BBX: variants seen among roughly 807,000 people sequenced by gnomAD.
The protein encoded by BBX is HMG box transcription factor BBX.
Under a neutral mutation model 100.2 loss-of-function variants are expected in BBX, and 30 were observed. The observed-to-expected ratio is 0.30, with a 90% CI of 0.22 to 0.41. The LOEUF is 0.41. BBX is among the 10% of genes least tolerant of loss of function. BBX has a pLI of 1.00. For missense variants in BBX, 1,023 were observed against 1,129.8 expected (o/e 0.91, Z 1.35); for synonymous variants, 376 against 388.1 (o/e 0.97, Z 0.37).
intron 6 of BBX, among the ~76,000 whole-genome samples, chr3:107,730,017 T>G (rs191103375): frequency 6.6e-6 from 1 of 152,080 alleles, no homozygotes; most frequent in East Asian, 1.9e-4. Flanking sequence ...AGTCCAGGAG[T>G]TCGAGGCTGC....
chr3:107,523,600 C>T (rs1195501047), intron 1 of BBX: 1 of 152,358 alleles, frequency 6.6e-6, no homozygotes, highest in African/African-American at 2.4e-5. Flanking sequence ...GCCCTCACGC[C>T]GGCGGGCGGC....
chr3:107,694,902 C>T (rs1423262938), intron 3 of BBX, among the ~76,000 whole-genome samples: 1 of 151,752 alleles, frequency 6.6e-6, no homozygotes, highest in Admixed American at 6.6e-5. Context: ...AGAGATTCAA[C>T]TTCTTCCTGG....
intron 2 of BBX, among the ~76,000 whole-genome samples, chr3:107,558,403 G>A (rs2050237066): frequency 6.6e-6 from 1 of 152,232 alleles, no homozygotes; most frequent in Middle Eastern, 3.4e-3. Context: ...CAGGAGAATC[G>A]CTTGTGCCTG....
chr3:107,652,190 A>ACTTTT (rs10662764), intron 3 of BBX, among the ~76,000 whole-genome samples: 9 of 152,108 alleles, frequency 5.9e-5, no homozygotes, highest in Admixed American at 3.9e-4. Context: ...GCTCAAATGA[A>ACTTTT]CTTTGTTTCT....
At chr3:107,705,199 C>G (rs2061324626) in intron 3 of BBX, among the ~76,000 whole-genome samples, 2 of 152,024 alleles carry the variant, frequency 1.3e-5, no homozygotes, top group African/African-American at 4.8e-5. Context: ...GTTTTGTAGT[C>G]TTAATTGGAC....
intron 13 of BBX, among the ~76,000 whole-genome samples, chr3:107,782,210 A>G (rs1417669013): frequency 2.6e-5 from 4 of 152,048 alleles, no homozygotes; most frequent in Admixed American, 2.6e-4. Context: ...CTCTGAATGA[A>G]TCTTAACTTG....
At chr3:107,625,790 G>A (rs746299194) in intron 2 of BBX, among the ~76,000 whole-genome samples, 15 of 152,140 alleles carry the variant, frequency 9.9e-5, no homozygotes, top group Admixed American at 3.9e-4. Flanking sequence ...CTCTAGAACT[G>A]TTGTCTTTTA....
At chr3:107,737,894 T>TTG (rs1553795867) in intron 7 of BBX, among the ~76,000 whole-genome samples, 2 of 131,312 alleles carry the variant, frequency 1.5e-5, no homozygotes, top group African/African-American at 2.7e-5. Context: ...GTTTTTTTTT[T>TTG]TTTTTTTTTT....
At chr3:107,588,943 A>T (rs1179646096) in intron 2 of BBX, among the ~76,000 whole-genome samples, 1 of 152,206 alleles carries the variant, frequency 6.6e-6, no homozygotes, top group Admixed American at 6.5e-5. Context: ...TAAGAAATTA[A>T]ATCTCCCAAG....
intron 3 of BBX, among the ~76,000 whole-genome samples, chr3:107,691,864 A>G (rs569771976): frequency 4.5e-4 from 69 of 152,328 alleles, no homozygotes; most frequent in Non-Finnish European, 9.0e-4. Context: ...CAGCTAGGAT[A>G]AGCAACTTCG....
chr3:107,634,211 C>T (rs951165284), intron 2 of BBX, among the ~76,000 whole-genome samples: 1 of 152,130 alleles, frequency 6.6e-6, no homozygotes, highest in Non-Finnish European at 1.5e-5. Flanking sequence ...CATGCCACCT[C>T]GTCTTATTAC....
At chr3:107,687,668 A>G (rs916573532) in intron 3 of BBX, among the ~76,000 whole-genome samples, 1 of 152,122 alleles carries the variant, frequency 6.6e-6, no homozygotes, top group Admixed American at 6.6e-5. Flanking sequence ...CCAGGACTAG[A>G]CACTGGTCAT....
At chr3:107,787,118 G>A (rs2068511252) in intron 13 of BBX, among the ~76,000 whole-genome samples, 2 of 152,118 alleles carry the variant, frequency 1.3e-5, no homozygotes, top group African/African-American at 4.8e-5. Context: ...TCCTTAGGAT[G>A]GCCATAATAA....
chr3:107,696,009 G>C (rs1327010037), intron 3 of BBX, among the ~76,000 whole-genome samples: 2 of 151,704 alleles, frequency 1.3e-5, no homozygotes, highest in African/African-American at 4.9e-5. Flanking sequence ...TCAGAGACTA[G>C]GATTGCAACC....
Position 107,695,767 on chromosome 3 carries a change from T to C in BBX, c.-9-14685T>C, listed in dbSNP as rs377503486. Among the ~76,000 whole-genome samples the C allele has an allele frequency of 8.6e-5, 13 of 151,268 alleles. 1 individual carries two copies. The highest frequency in any genetic ancestry group is 1.5e-4 in the African/African-American group (6 of 40,844). On this transcript the variant is annotated intron_variant, in intron 3 of 17. Transcript: ENST00000325805. ...GGGTATCCTTGTTGACTTTCTGTCTTGTTGATCTGTCTAATGTTGACAGTG... is the reference window on the plus strand; with the variant it reads ...GGGTATCCTTGTTGACTTTCTGTCTCGTTGATCTGTCTAATGTTGACAGTG...
chr3:107,795,446 C>G (rs547843387), intron 15 of BBX, among the ~76,000 whole-genome samples: 3 of 152,068 alleles, frequency 2.0e-5, no homozygotes, highest in South Asian at 2.1e-4. Context: ...AGTCTGGACC[C>G]TTATCCTCTT....
At chr3:107,544,107 A>G (rs1377387325) in intron 2 of BBX, among the ~76,000 whole-genome samples, 6 of 152,206 alleles carry the variant, frequency 3.9e-5, no homozygotes, top group African/African-American at 9.6e-5. Flanking sequence ...AGGAAACTTC[A>G]TATGCCTTAT....
At chr3:107,791,159 A>G (rs759688917) in intron 14 of BBX, 81 bp from the exon 15 acceptor site, 58 of 1,158,574 alleles carry the variant, frequency 5.0e-5, no homozygotes, top group Non-Finnish European at 6.5e-5. Context: ...GTTAGTTTGT[A>G]TATCATCTTG....
chr3:107,717,001 T>A, intron 5 of BBX, 152 bp downstream of exon 5: 1 of 1,030,992 alleles, frequency 9.7e-7, no homozygotes, highest in Non-Finnish European at 1.4e-6. Flanking sequence ...TTTCTTTGTA[T>A]GACTTGTTCC....
Sources: allele counts gnomAD v4.1 joint callset (sites outside exome capture counted in the v4.1 genomes callset), GRCh38; gene constraint gnomAD v4.1.1; transcripts MANE v1.5; gene names NCBI Gene and HGNC (gene_info 2026-07-23, HGNC 2026-07-21).